The following SOX6 variants were observed in gnomAD, a reference collection of about 807,000 sequenced individuals.
The protein encoded by SOX6 is transcription factor SOX-6.
In SOX6, 11 loss-of-function variants were observed where a neutral mutation model predicts 97.8. The observed-to-expected ratio is 0.11, with a 90% CI of 0.07 to 0.19. The LOEUF is 0.19. SOX6 is among the 10% of genes least tolerant of loss of function. The pLI, the probability that SOX6 is intolerant of heterozygous loss-of-function variation, is 1.00. For synonymous variants in SOX6, 360 were observed against 371.4 expected (o/e 0.97, Z 0.35); for missense variants, 810 against 1,039.5 (o/e 0.78, Z 3.04).
intron 6 of SOX6, among the ~76,000 whole-genome samples, chr11:16,158,540 A>G (rs1302309740): frequency 6.6e-6 from 1 of 152,050 alleles, no homozygotes; most frequent in Non-Finnish European, 1.5e-5. Context: ...TATTGGTAAC[A>G]CAAATGATGA....
intron 3 of SOX6, among the ~76,000 whole-genome samples, chr11:16,668,782 C>T (rs927783458): frequency 1.3e-5 from 2 of 151,818 alleles, no homozygotes; most frequent in African/African-American, 2.4e-5. Context: ...GATTTCAAGA[C>T]AAAAAGTATA....
chr11:16,117,747 C>T (rs1849388402), intron 6 of SOX6, among the ~76,000 whole-genome samples: 1 of 152,106 alleles, frequency 6.6e-6, no homozygotes, highest in African/African-American at 2.4e-5. Context: ...ACAGAAAAGC[C>T]CCATCCCACT....
In SOX6 at chr11:16,330,933, C is replaced by A. The variant is rs372007808; in HGVS notation, c.237+10079G>T. Among the ~76,000 whole-genome samples, 52 of 152,188 alleles carry A rather than the reference C, an allele frequency of 3.4e-4. 2 individuals are homozygous for A. Among genetic ancestry groups the A allele is most frequent in the African/African-American group, 1.2e-3 (49 of 41,542 alleles). On this transcript the variant is annotated intron_variant, in intron 2 of 15. Transcript: ENST00000683767. ...CCAGATAAAAAAAGAAAAAAAGGAA[C>A]CCCTACCAAACAAAAAGAATGTCTT...
At chr11:16,409,426 G>C (rs901081625) in intron 1 of SOX6, among the ~76,000 whole-genome samples, 2 of 152,116 alleles carry the variant, frequency 1.3e-5, no homozygotes, top group Non-Finnish European at 2.9e-5. Flanking sequence ...GCCTCTAGGA[G>C]AGGTAATATC....
intron 4 of SOX6, among the ~76,000 whole-genome samples, chr11:16,551,708 A>G (rs1385227042): frequency 6.6e-6 from 1 of 152,008 alleles, no homozygotes; most frequent in African/African-American, 2.4e-5. Flanking sequence ...GGTTCAAGCA[A>G]TTCTCCTGCC....
At chr11:16,675,981 A>T (rs367688129) in intron 3 of SOX6, among the ~76,000 whole-genome samples, 1 of 152,134 alleles carries the variant, frequency 6.6e-6, no homozygotes, top group Admixed American at 6.5e-5. Context: ...TCAAATTTCG[A>T]AAGTTTTAAA....
At chr11:16,426,578 T>C (rs1859140467) in intron 1 of SOX6, among the ~76,000 whole-genome samples, 1 of 152,050 alleles carries the variant, frequency 6.6e-6, no homozygotes. Context: ...ATTCAATAAA[T>C]GGTGCTGGCA....
chr11:16,705,594 T>A (rs1848125967), intron 3 of SOX6, among the ~76,000 whole-genome samples: 1 of 151,960 alleles, frequency 6.6e-6, no homozygotes, highest in African/African-American at 2.4e-5. Context: ...GCCACTGCAC[T>A]CCAACCTGGA....
intron 1 of SOX6, among the ~76,000 whole-genome samples, chr11:16,368,840 G>A (rs1857428303): frequency 6.6e-6 from 1 of 152,122 alleles, no homozygotes; most frequent in Admixed American, 6.5e-5. Flanking sequence ...CTAATAACGG[G>A]TGAGTATGTA....
At chr11:16,243,474 T>C (rs1472274834) in intron 3 of SOX6, among the ~76,000 whole-genome samples, 2 of 151,924 alleles carry the variant, frequency 1.3e-5, no homozygotes, top group African/African-American at 2.4e-5. Flanking sequence ...AGATCAAGAC[T>C]ATTGTGTGTC....
intron 3 of SOX6, among the ~76,000 whole-genome samples, chr11:16,698,606 T>C (rs1848070674): frequency 6.6e-6 from 1 of 152,224 alleles, no homozygotes; most frequent in Admixed American, 6.5e-5. Context: ...GCTTTCAACA[T>C]GGCTTCTTCC....
intron 12 of SOX6, among the ~76,000 whole-genome samples, chr11:16,042,174 C>G (rs757366194): frequency 2.0e-5 from 3 of 152,114 alleles, no homozygotes; most frequent in Admixed American, 2.0e-4. Context: ...GAAAATAGCA[C>G]AGGGAGAACT....
intron 1 of SOX6, among the ~76,000 whole-genome samples, chr11:16,407,270 T>C (rs1369728514): frequency 6.6e-6 from 1 of 152,118 alleles, no homozygotes. Flanking sequence ...TGTTTAAAAC[T>C]AAAAATTCTT....
Position 16,132,448 on chromosome 11 carries a change from G to GAAAGAA in SOX6, c.778-20531_778-20526dup, listed in dbSNP as rs1564972683. On this transcript the variant is annotated intron_variant, in intron 6 of 15. Transcript: ENST00000683767. ...AAGAAAGAAAGAAAGAAAGAAAAAA[G>GAAAGAA]AAAGAAAGAAAGAAAGAAAGAAAGA... is the stretch of plus-strand genomic sequence containing the variant. 4.3e-4 allele frequency among the ~76,000 whole-genome samples: 32 copies of GAAAGAA among 74,192 alleles called. 1 individual carries two copies. The highest frequency in any genetic ancestry group is 1.8e-3 in the African/African-American group (30 of 16,502). The allele number at this position is 74,192 out of a possible 152,430, so 48.7% of individuals were successfully genotyped here.
intron 3 of SOX6, among the ~76,000 whole-genome samples, chr11:16,706,449 C>CCA (rs1848132938): frequency 4.1e-4 from 1 of 2,448 alleles, no homozygotes; most frequent in African/African-American, 1.6e-3. Flanking sequence ...GAACCTATCA[C>CCA]AAAAAAAAAA....
chr11:16,668,440 A>G (rs1479100796), intron 3 of SOX6, among the ~76,000 whole-genome samples: 1 of 152,156 alleles, frequency 6.6e-6, no homozygotes. Flanking sequence ...AAAAATTATC[A>G]TCTGAGAAAA....
intron 3 of SOX6, among the ~76,000 whole-genome samples, chr11:16,699,359 T>C (rs1049341128): frequency 2.6e-5 from 4 of 152,154 alleles, no homozygotes; most frequent in Non-Finnish European, 5.9e-5. Flanking sequence ...AACCCTATGT[T>C]TAACCAGAAC....
intron 1 of SOX6, among the ~76,000 whole-genome samples, chr11:16,395,539 G>T (rs1858329378): frequency 6.6e-6 from 1 of 151,774 alleles, no homozygotes; most frequent in Admixed American, 6.6e-5. Flanking sequence ...ACAGCAGCTG[G>T]ATCAGAAAGA....
chr11:16,399,488 G>A (rs1249446656), intron 1 of SOX6, among the ~76,000 whole-genome samples: 1 of 151,276 alleles, frequency 6.6e-6, no homozygotes, highest in Non-Finnish European at 1.5e-5. Context: ...AGCCTCCTGA[G>A]TACTACATTA....
Sources: allele counts gnomAD v4.1 joint callset (sites outside exome capture counted in the v4.1 genomes callset), GRCh38; gene constraint gnomAD v4.1.1; transcripts MANE v1.5; gene names NCBI Gene and HGNC (gene_info 2026-07-23, HGNC 2026-07-21).